USP42: variants seen among roughly 807,000 people sequenced by gnomAD.
The protein encoded by USP42 is ubiquitin carboxyl-terminal hydrolase 42.
Under a neutral mutation model 113.0 loss-of-function variants are expected in USP42, and 23 were observed. That is an observed-to-expected ratio of 0.20 (90% CI 0.15 to 0.29). USP42 has a LOEUF of 0.29. USP42 is among the 10% of genes least tolerant of loss of function. The probability of loss-of-function intolerance (pLI) is 1.00; values close to 1 mark genes in which losing one functional copy is unlikely to be tolerated. For missense variants in USP42, 2,174 were observed against 1,779.8 expected, an observed-to-expected ratio of 1.22 and a Z score of -3.99; for synonymous variants, 933 against 699.0, an observed-to-expected ratio of 1.33 and a Z score of -5.28.
intron 3 of USP42, among the ~76,000 whole-genome samples, chr7:6,119,514 C>T (rs1365199559): frequency 6.6e-6 from 1 of 152,066 alleles, no homozygotes; most frequent in Non-Finnish European, 1.5e-5. Context: ...GGTTGCTTGG[C>T]CATTTGTATT....
chr7:6,104,628 C>G (rs1001607157), upstream of USP42, among the ~76,000 whole-genome samples: 7 of 152,156 alleles, frequency 4.6e-5, no homozygotes, highest in African/African-American at 1.4e-4. Flanking sequence ...CTGGCTCTGC[C>G]CAGGGAAGCA....
intron 1 of USP42, among the ~76,000 whole-genome samples, chr7:6,107,528 G>C (rs1779359497): frequency 6.6e-6 from 1 of 151,086 alleles, no homozygotes; most frequent in Non-Finnish European, 1.5e-5. Context: ...TCCTGCCTCA[G>C]CCTCCCGAGT....
Position 6,156,786 on chromosome 7 carries a change from G to A in USP42, c.3674G>A (p.Cys1225Tyr), listed in dbSNP as rs1049360478. ...CAGGACTCAGACCTCTCAGCAGCGTGCTCTGACGCTGACCTCCACAGACAC... is the reference window on the plus strand; with the variant it reads ...CAGGACTCAGACCTCTCAGCAGCGTACTCTGACGCTGACCTCCACAGACAC... Reference protein sequence around the residue: ...HQQDSDLSAACSDADLHRHKK... With the variant: ...HQQDSDLSAAYSDADLHRHKK... Residue 1225 changes from cysteine (C) to tyrosine (Y), a missense_variant, in exon 16 of 18, where the codon TGC (cysteine) becomes TAC (tyrosine). Transcript: ENST00000306177. 3 of 1,584,924 alleles carry A rather than the reference G, an allele frequency of 1.9e-6. No individual in the cohort carries two copies. The highest frequency in any genetic ancestry group is 2.6e-6 in the Non-Finnish European group (3 of 1,169,260).
At chr7:6,082,111 T>C in the USP42 span, among the ~76,000 whole-genome samples, 3 of 151,758 alleles carry the variant, frequency 2.0e-5, no homozygotes, top group Admixed American at 6.6e-5. Context: ...AGAAAATATA[T>C]ATTTATGGGT....
At chr7:6,082,133 CTTT>C in the USP42 span, among the ~76,000 whole-genome samples, 2 of 142,938 alleles carry the variant, frequency 1.4e-5, no homozygotes. Flanking sequence ...CGAATTTATC[CTTT>C]TTTTTTTTTT....
rs374837710 is a variant in USP42, at chr7:6,154,995, C to G, written c.3441C>G (p.Leu1147=). 1.3e-6 allele frequency: 2 copies of G among 1,564,520 alleles called. No individual in the cohort carries two copies. Among genetic ancestry groups the G allele is most frequent in the Admixed American group, 1.9e-5 (1 of 52,370 alleles). The change falls in exon 15 of 18, where the codon CTC becomes CTG. Residue 1147 remains leucine, a synonymous_variant. Coordinates refer to ENST00000306177, the MANE Select transcript of USP42 (RefSeq NM_032172.3). ...TALVAGDNCN[L]SDRFHEHENG... is the part of the protein sequence containing the mutation. ...TTGTAGCCGGAGACAACTGTAACCT[C>G]TCTGATCGGTTTCACGAACACGAAA...
intron 14 of USP42, chr7:6,152,853 G>C (rs1023178249): frequency 1.3e-6 from 1 of 782,692 alleles, no homozygotes. Flanking sequence ...TGCTGGCTGT[G>C]TTTGGAGGTG....
Position 6,159,035 on chromosome 7 carries a change from CCTTT to C in USP42, c.3944-411_3944-408del, listed in dbSNP as rs1782621792. On this transcript the variant is annotated intron_variant, in intron 16 of 17. Coordinates refer to ENST00000306177, the MANE Select transcript of USP42 (RefSeq NM_032172.3). The surrounding 1 kb of genome is among the most constrained non-coding windows in gnomAD (Gnocchi z 4.1). ...CTTCTGCTGCGAGCAGACTGAGGAGCCTTTCTTGTCCTTCTGAGAAGGCCGCTGC... is the reference window on the plus strand; with the variant it reads ...CTTCTGCTGCGAGCAGACTGAGGAGCCTTGTCCTTCTGAGAAGGCCGCTGC... Among the ~76,000 whole-genome samples, 1 of 152,154 alleles carries C rather than the reference CCTTT, an allele frequency of 6.6e-6. No individual in the cohort carries two copies. Among genetic ancestry groups the C allele is most frequent in the Admixed American group, 6.5e-5 (1 of 15,272 alleles).
intron 1 of USP42, among the ~76,000 whole-genome samples, chr7:6,108,209 CAAAA>C (rs1395473947): frequency 1.1e-4 from 16 of 151,892 alleles, no homozygotes; most frequent in Non-Finnish European, 2.4e-4. Context: ...AACAAACAAA[CAAAA>C]AAATTACAAG....
upstream of USP42, among the ~76,000 whole-genome samples, chr7:6,101,118 T>C (rs1180429455): frequency 1.3e-5 from 2 of 150,934 alleles, no homozygotes; most frequent in Non-Finnish European, 2.9e-5. Context: ...GGAGCAACAA[T>C]ATTGTCTCAG....
chr7:6,124,373 T>A (rs1199984812), intron 3 of USP42, among the ~76,000 whole-genome samples: 1 of 152,044 alleles, frequency 6.6e-6, no homozygotes, highest in Non-Finnish European at 1.5e-5. Context: ...GTTCAAGTGA[T>A]TCTTCTGCCT....
rs769155683 is a variant in USP42 at position 6,154,202 on chromosome 7, C to G, written c.2648C>G (p.Ala883Gly). 3 of 1,605,842 alleles carry G rather than the reference C, an allele frequency of 1.9e-6. No homozygotes were observed. The highest frequency in any genetic ancestry group is 2.7e-5 in the African/African-American group (2 of 74,892). The change falls in exon 15 of 18, where the codon GCT (alanine) becomes GGT (glycine). Residue 883 changes from alanine to glycine, a missense_variant. Physicochemically the swap from Ala to Gly is moderately conservative, Grantham distance 60 (BLOSUM62 0). Transcript: ENST00000306177. Reference sequence around the variant, plus strand: ...CCCAGCGGGGACCACGCCCGGGACGCTCAGGACCCATCCCAGAGCTTGGGC... The same window carrying G: ...CCCAGCGGGGACCACGCCCGGGACGGTCAGGACCCATCCCAGAGCTTGGGC... ...VHPSGDHARD[A>G]QDPSQSLGAP...
At chr7:6,088,063 G>T in the USP42 span, among the ~76,000 whole-genome samples, 6 of 150,854 alleles carry the variant, frequency 4.0e-5, 1 homozygote, top group African/African-American at 1.5e-4. Flanking sequence ...ACTTTGGGAG[G>T]CCAAGGCAGG....
intron 3 of USP42, among the ~76,000 whole-genome samples, chr7:6,119,084 T>C (rs1214898696): frequency 6.6e-6 from 1 of 151,596 alleles, no homozygotes; most frequent in Non-Finnish European, 1.5e-5. Context: ...ATCTGGGAAC[T>C]CATGCCTATA....
rs754585183 is a variant in USP42 at position 6,154,518 on chromosome 7, C to A, written c.2964C>A (p.Arg988=). The A allele has an allele frequency of 3.2e-6, 5 of 1,541,094 alleles. No homozygotes were observed. The highest frequency in any genetic ancestry group is 4.4e-6 in the Non-Finnish European group (5 of 1,143,728). Reference sequence around the variant, plus strand: ...GGCGCCGCACCTGCCCCCGGGAGCGCGACCGCCAGGACCGCCACGCCCCGG... The same window carrying A: ...GGCGCCGCACCTGCCCCCGGGAGCGAGACCGCCAGGACCGCCACGCCCCGG... ...HRRRRTCPRE[R]DRQDRHAPEH... is the part of the protein sequence containing the mutation. The change falls in exon 15 of 18, where the codon CGC becomes CGA. Residue 988 remains arginine, a synonymous_variant. Transcript: ENST00000306177.
intron 11 of USP42, among the ~76,000 whole-genome samples, chr7:6,147,246 A>G (rs1190735168): frequency 6.6e-6 from 1 of 152,110 alleles, no homozygotes; most frequent in Non-Finnish European, 1.5e-5. Context: ...AGTGGCATAT[A>G]TTTATAATTA....
chr7:6,115,533 C>T lies in USP42; in HGVS notation c.442+10C>T. 5 of 1,613,806 alleles carry T rather than the reference C, an allele frequency of 3.1e-6. No homozygotes were observed. The highest frequency in any genetic ancestry group is 4.2e-6 in the Non-Finnish European group (5 of 1,179,764). On this transcript the variant is annotated intron_variant, in intron 3 of 17. Transcript: ENST00000306177. Reference sequence around the variant, plus strand: ...GAACACTCCAAAACATGTAAGTGTTCCGTGTTGTGTTTGTAGTATTGTAGT... The same window carrying T: ...GAACACTCCAAAACATGTAAGTGTTTCGTGTTGTGTTTGTAGTATTGTAGT...
chr7:6,121,450 GT>G, intron 3 of USP42, among the ~76,000 whole-genome samples: 1 of 151,766 alleles, frequency 6.6e-6, no homozygotes, highest in Non-Finnish European at 1.5e-5. Context: ...TTAGCCTATA[GT>G]TTCTTATAAT....
At chr7:6,111,419 T>G (rs1161557804) in intron 2 of USP42, 45 bp downstream of exon 2, 8 of 1,593,984 alleles carry the variant, frequency 5.0e-6, no homozygotes, top group African/African-American at 2.7e-5. Flanking sequence ...AACTCCTGTG[T>G]AAATGCTGCT....
Sources: allele counts gnomAD v4.1 joint callset (sites outside exome capture counted in the v4.1 genomes callset), GRCh38; gene constraint gnomAD v4.1.1; non-coding constraint Gnocchi (gnomAD v3.1); transcripts MANE v1.5; gene names NCBI Gene and HGNC (gene_info 2026-07-23, HGNC 2026-07-21).